STK3: variants seen among roughly 807,000 people sequenced by gnomAD.
STK3 encodes the protein serine/threonine-protein kinase 3.
Under a neutral mutation model 58.0 loss-of-function variants are expected in STK3, and 41 were observed. The ratio of observed to expected loss-of-function variants is 0.71; its 90% confidence interval spans 0.55 to 0.92. The LOEUF (loss-of-function observed/expected upper bound fraction) is 0.92, where lower values mean the gene tolerates loss of function less well. Among genes scored for constraint, STK3 ranks in the 40% least tolerant of loss-of-function variants. The pLI is 0.00. For synonymous variants in STK3, 170 were observed against 191.0 expected (o/e 0.89, Z 0.91); for missense variants, 479 against 602.7 (o/e 0.79, Z 2.15).
chr8:98,919,486 AG>A (rs1198321478), intron 1 of STK3, among the ~76,000 whole-genome samples: 3 of 152,164 alleles, frequency 2.0e-5, no homozygotes, highest in African/African-American at 7.2e-5. Context: ...ATGGTTGCCT[AG>A]GGGGGATTGA....
At chr8:98,761,590 A>G (rs1222503286) in intron 3 of STK3, among the ~76,000 whole-genome samples, 1 of 152,210 alleles carries the variant, frequency 6.6e-6, no homozygotes, top group African/African-American at 2.4e-5. Flanking sequence ...ACATCTTACT[A>G]TAATCTTAGT....
chr8:98,686,112 T>A (rs1167823903), intron 6 of STK3, among the ~76,000 whole-genome samples: 1 of 152,178 alleles, frequency 6.6e-6, no homozygotes, highest in Non-Finnish European at 1.5e-5. Flanking sequence ...ATGCTAGTTA[T>A]CACTGAACTA....
the STK3 span, among the ~76,000 whole-genome samples, chr8:98,361,891 G>C: frequency 6.6e-6 from 1 of 152,152 alleles, no homozygotes; most frequent in Non-Finnish European, 1.5e-5. Flanking sequence ...GTAGCTTCTT[G>C]GCTCAGGGCA....
chr8:98,653,034 T>C (rs1436806650), intron 6 of STK3, among the ~76,000 whole-genome samples: 1 of 152,206 alleles, frequency 6.6e-6, no homozygotes, highest in African/African-American at 2.4e-5. Context: ...TATACATTTC[T>C]TTCAGCACCA....
At chr8:98,476,046 A>G (rs1821287429) in intron 10 of STK3, among the ~76,000 whole-genome samples, 1 of 152,216 alleles carries the variant, frequency 6.6e-6, no homozygotes, top group Non-Finnish European at 1.5e-5. Flanking sequence ...AAAGGTAGGG[A>G]TACTGGGCAG....
chr8:98,354,809 G>C, the STK3 span, among the ~76,000 whole-genome samples: 1 of 152,148 alleles, frequency 6.6e-6, no homozygotes, highest in East Asian at 1.9e-4. Context: ...ACGAAGTCTG[G>C]CTCTGTCACC....
chr8:98,561,211 C>T (rs749470302), intron 8 of STK3, among the ~76,000 whole-genome samples: 1 of 150,584 alleles, frequency 6.6e-6, no homozygotes, highest in Non-Finnish European at 1.5e-5. Flanking sequence ...CAAATATAGT[C>T]AACAGATTTT....
In STK3 at chr8:98,498,655, A is replaced by T. The variant is rs143878485; in HGVS notation, c.1317+28087T>A. On this transcript the variant is annotated intron_variant, in intron 10 of 10. Coordinates refer to ENST00000419617, the MANE Select transcript of STK3 (RefSeq NM_006281.4). ...GTTGCTAAATATCCAATAGTAAATT[A>T]TAAGTCCTCATCTTTCTTGGGCATT... Among the ~76,000 whole-genome samples the T allele has an allele frequency of 2.6e-5, 4 of 152,348 alleles. No individual in the cohort carries two copies. The East Asian group carries it at 7.7e-4, about 29-fold the overall frequency.
intron 2 of STK3, among the ~76,000 whole-genome samples, chr8:98,767,632 G>A (rs1350778901): frequency 4.6e-5 from 7 of 152,082 alleles, no homozygotes; most frequent in African/African-American, 1.4e-4. Context: ...ACAGACTTGC[G>A]TTTGGTCAAC....
intron 7 of STK3, among the ~76,000 whole-genome samples, chr8:98,581,334 G>A (rs1813864430): frequency 6.6e-6 from 1 of 152,114 alleles, no homozygotes. Flanking sequence ...ACTCCAACAG[G>A]GAGGTTGTTG....
At chr8:98,454,373 T>C (rs1819343639), downstream of STK3, among the ~76,000 whole-genome samples, 1 of 152,178 alleles carries the variant, frequency 6.6e-6, no homozygotes, top group African/African-American at 2.4e-5. Flanking sequence ...CCCTTCTCCT[T>C]ATTGTGGTGA....
chr8:98,457,763 A>G (rs1431546199), intron 10 of STK3, among the ~76,000 whole-genome samples: 1 of 152,196 alleles, frequency 6.6e-6, no homozygotes, highest in Non-Finnish European at 1.5e-5. Flanking sequence ...AAGAACTAAC[A>G]TATTATATAA....
intron 4 of STK3, among the ~76,000 whole-genome samples, chr8:98,719,944 C>G (rs1361093969): frequency 6.6e-6 from 1 of 152,226 alleles, no homozygotes; most frequent in East Asian, 1.9e-4. Context: ...TTCAGAGAGT[C>G]AATGTCTTCC....
intron 4 of STK3, among the ~76,000 whole-genome samples, chr8:98,710,327 C>T (rs367927265): frequency 5.3e-5 from 8 of 152,270 alleles, no homozygotes; most frequent in East Asian, 1.9e-4. Flanking sequence ...TGAGCATGAG[C>T]TGAAGCAGGG....
chr8:98,440,136 G>T (rs553827873), intron 1 of STK3, among the ~76,000 whole-genome samples: 1 of 152,224 alleles, frequency 6.6e-6, no homozygotes, highest in East Asian at 1.9e-4. Context: ...AGGAGTTGAG[G>T]GTAGGCTGCT....
At chr8:98,640,730 C>T (rs1819956319) in intron 6 of STK3, among the ~76,000 whole-genome samples, 1 of 151,474 alleles carries the variant, frequency 6.6e-6, no homozygotes, top group South Asian at 2.1e-4. Flanking sequence ...AATATAAATA[C>T]AGTATACCTA....
At chr8:98,629,475 A>C (rs1819008506) in intron 6 of STK3, among the ~76,000 whole-genome samples, 1 of 152,212 alleles carries the variant, frequency 6.6e-6, no homozygotes, top group Non-Finnish European at 1.5e-5. Flanking sequence ...GGAACCCTAA[A>C]CACTACTTTA....
At chr8:98,783,034 A>G (rs959899683) in intron 1 of STK3, among the ~76,000 whole-genome samples, 2 of 151,964 alleles carry the variant, frequency 1.3e-5, no homozygotes, top group Non-Finnish European at 2.9e-5. Flanking sequence ...GGAGAGAGAG[A>G]GAGAGAGAGA....
chr8:98,667,007 A>G (rs1442689396), intron 6 of STK3, among the ~76,000 whole-genome samples: 13 of 152,160 alleles, frequency 8.5e-5, no homozygotes, highest in Non-Finnish European at 1.5e-5. Context: ...TCAATTGTCA[A>G]TAACTGAAGG....
Sources: allele counts gnomAD v4.1 joint callset (sites outside exome capture counted in the v4.1 genomes callset), GRCh38; gene constraint gnomAD v4.1.1; transcripts MANE v1.5; gene names NCBI Gene and HGNC (gene_info 2026-07-23, HGNC 2026-07-21).